Variants in UPF3B observed in about 807,000 individuals in gnomAD.
The protein encoded by UPF3B is UPF3B regulator of nonsense mediated mRNA decay.
In UPF3B, 7 loss-of-function variants were observed where a neutral mutation model predicts 40.3. The ratio of observed to expected loss-of-function variants is 0.17; its 90% CI spans 0.10 to 0.33. The LOEUF is 0.33. Among genes scored for constraint, UPF3B ranks in the 10% least tolerant of loss-of-function variants. The pLI, the probability that UPF3B is intolerant of heterozygous loss-of-function variation, is 1.00. For missense variants in UPF3B, 229 were observed against 358.9 expected (o/e 0.64, Z 2.93); for synonymous variants, 117 against 117.3 (o/e 1.00, Z 0.01).
intron 9 of UPF3B, 62 bp from the exon 10 acceptor site, chrX:119,838,113 C>T (rs934578327): frequency 6.8e-6 from 8 of 1,171,402 alleles, no homozygotes; most frequent in Non-Finnish European, 9.2e-6. Context: ...AATGCAGGAA[C>T]ACTGTGATTC....
intron 4 of UPF3B, among the ~76,000 whole-genome samples, chrX:119,817,383 C>T (rs1049266100): frequency 1.8e-5 from 2 of 111,671 alleles, no homozygotes; most frequent in Non-Finnish European, 1.9e-5. Context: ...AGGTGAAGTG[C>T]GAGCATAGGA....
At chrX:119,832,056 T>C (rs2056042409), downstream of UPF3B, among the ~76,000 whole-genome samples, 1 of 111,897 alleles carries the variant, frequency 8.9e-6, no homozygotes, top group Non-Finnish European at 1.9e-5. Context: ...ACATTCCAGA[T>C]ACAGGCGATC....
In UPF3B at chrX:119,847,387, C is replaced by T. The variant is rs755205240; in HGVS notation, c.371-2091G>A. ...GCTTGAACCCAGGAGGTGGAGGTTG[C>T]AATGAGGGAAGATCGCGCCATTGTA... On this transcript the variant is annotated intron_variant, in intron 3 of 10. Transcript: ENST00000276201. Among the ~76,000 whole-genome samples the T allele has an allele frequency of 1.2e-4, 13 of 110,186 alleles. No individual in the cohort carries two copies. In the South Asian group the frequency reaches 5.0e-3, roughly 42 times the overall value.
At chrX:119,835,951 T>G (rs1327089603) in intron 10 of UPF3B, among the ~76,000 whole-genome samples, 1 of 111,545 alleles carries the variant, frequency 9.0e-6, no homozygotes, top group Non-Finnish European at 1.9e-5. Context: ...CACTCCAGCC[T>G]GGGTGACATA....
chrX:119,837,597 C>T (rs1415246948), intron 10 of UPF3B, among the ~76,000 whole-genome samples, 160 bp downstream of exon 10: 1 of 88,840 alleles, frequency 1.1e-5, no homozygotes, highest in African/African-American at 4.5e-5. Context: ...GCCTGGGCAA[C>T]ATAGTCAGAC....
intron 4 of UPF3B, among the ~76,000 whole-genome samples, chrX:119,816,749 TTTCTC>T (rs2055868900): frequency 8.9e-6 from 1 of 111,755 alleles, no homozygotes; most frequent in Non-Finnish European, 1.9e-5. Context: ...TCGTTGTCTC[TTTCTC>T]TTGAGTATTC....
chrX:119,843,195 T>G lies in UPF3B; in HGVS notation c.576A>C (p.Leu192Phe). Reference sequence around the variant, plus strand: ...TGATTCTTTTTGCCCACTTACCTATTAATTCTCTATTTTTTGCTTCTATTT... The same window carrying G: ...TGATTCTTTTTGCCCACTTACCTATGAATTCTCTATTTTTTGCTTCTATTT... The part of the protein sequence containing the change: ...LEEIEAKNRE[L>F]IAKKTTPLLS... Residue 192 changes from leucine (L) to phenylalanine (F), a missense_variant, in exon 5 of 11, where the codon TTA becomes TTC. By Grantham distance (22) the Leu-to-Phe change is conservative (BLOSUM62 0). Around this residue, in one of 3 missense-constraint regions of UPF3B, gnomAD observed 87 missense variants for 184.2 expected, o/e 0.47. Coordinates refer to ENST00000276201, the MANE Select transcript of UPF3B (RefSeq NM_080632.3). 1 of 1,173,256 alleles carries G rather than the reference T, an allele frequency of 8.5e-7. No individual in the cohort carries two copies. Among genetic ancestry groups the G allele is most frequent in the African/African-American group, 1.8e-5 (1 of 57,092 alleles).
downstream of UPF3B, among the ~76,000 whole-genome samples, chrX:119,833,282 T>C (rs777107696): frequency 4.4e-5 from 5 of 112,529 alleles, no homozygotes; most frequent in Non-Finnish European, 5.6e-5. Context: ...GAGGCAGAAA[T>C]TGATCAAACA....
chrX:119,823,096 A>G, intron 3 of UPF3B: 2 of 644,468 alleles, frequency 3.1e-6, no homozygotes, highest in Non-Finnish European at 3.7e-6. Context: ...AAGCTTTTAC[A>G]TGAGATTTTT....
downstream of UPF3B, chrX:119,833,882 G>T: frequency 1.3e-5 from 3 of 226,507 alleles, no homozygotes; most frequent in Non-Finnish European, 1.9e-5. Flanking sequence ...AGTTTTGGGT[G>T]AGATGCCTGC....
downstream of UPF3B, among the ~76,000 whole-genome samples, chrX:119,833,025 C>T (rs963112379): frequency 1.8e-5 from 2 of 111,130 alleles, no homozygotes; most frequent in Non-Finnish European, 1.9e-5. Flanking sequence ...GAACTAGCTA[C>T]CCCCCACTGC....
At chrX:119,845,991 A>G (rs1179988714) in intron 3 of UPF3B, among the ~76,000 whole-genome samples, 1 of 110,571 alleles carries the variant, frequency 9.0e-6, no homozygotes, top group Non-Finnish European at 1.9e-5. Flanking sequence ...TGTATACAAT[A>G]TGTATACATT....
chrX:119,830,741 C>CA (rs1212201382), downstream of UPF3B, among the ~76,000 whole-genome samples: 3,783 of 82,561 alleles, frequency 0.046, 229 homozygotes, highest in African/African-American at 0.15. Context: ...TACTGTGTCT[C>CA]AAAAAAAAAA....
chrX:119,838,413 A>G lies in UPF3B; in HGVS notation c.961T>C (p.Leu321=), dbSNP rs763123559. 1 of 1,212,066 alleles carries G rather than the reference A, an allele frequency of 8.3e-7. No individual in the cohort carries two copies. The highest frequency in any genetic ancestry group is 1.8e-5 in the South Asian group (1 of 56,998). ...DERASGQSCT[L]PKRSDSELKD... is the part of the protein sequence containing the mutation. Reference sequence around the variant, plus strand: ...AGTTCGCTATCAGAACGCTTGGGCAATGTACAACTTTGCCCACTGGCTCTT... The same window carrying G: ...AGTTCGCTATCAGAACGCTTGGGCAGTGTACAACTTTGCCCACTGGCTCTT... The change falls in exon 9 of 11, where the codon TTG becomes CTG. Residue 321 remains leucine, a synonymous_variant. Transcript: ENST00000276201.
intron 3 of UPF3B, among the ~76,000 whole-genome samples, chrX:119,828,524 T>C (rs1291805283): frequency 9.0e-6 from 1 of 110,780 alleles, no homozygotes; most frequent in Admixed American, 9.6e-5. Context: ...ATACAAAAAG[T>C]AGCTGAGTGT....
intron 8 of UPF3B, 86 bp downstream of exon 8, chrX:119,840,560 A>C: frequency 1.1e-6 from 1 of 891,672 alleles, no homozygotes; most frequent in South Asian, 2.3e-5. Context: ...TAACACTACC[A>C]CCACCACCAC....
chrX:119,852,151 A>AT (rs2056311655), intron 1 of UPF3B, among the ~76,000 whole-genome samples: 1 of 111,393 alleles, frequency 9.0e-6, no homozygotes. Context: ...TTTGTGCATC[A>AT]TTTTCGATCA....
intron 8 of UPF3B, among the ~76,000 whole-genome samples, chrX:119,839,702 G>T (rs539556095): frequency 1.8e-5 from 2 of 111,893 alleles, no homozygotes; most frequent in Non-Finnish European, 3.8e-5. Context: ...ACTGCAAATG[G>T]TGAGTCCAAA....
intron 5 of UPF3B, among the ~76,000 whole-genome samples, chrX:119,810,932 A>T (rs976315814): frequency 2.7e-5 from 3 of 111,983 alleles, no homozygotes; most frequent in Non-Finnish European, 5.6e-5. Context: ...AGAGACAAAA[A>T]TAAATAAATA....
Sources: allele counts gnomAD v4.1 joint callset (sites outside exome capture counted in the v4.1 genomes callset), GRCh38; gene constraint gnomAD v4.1.1; regional missense constraint gnomAD v4.1.1; transcripts MANE v1.5; gene names NCBI Gene and HGNC (gene_info 2026-07-23, HGNC 2026-07-21).